The following KRT8 variants were observed in gnomAD, a reference collection of about 807,000 sequenced individuals.
KRT8 encodes the protein keratin 8.
KRT8 carries 24 observed loss-of-function variants against 43.0 expected under a neutral mutation model. That is an observed-to-expected ratio of 0.56 (90% confidence interval 0.40 to 0.78). The LOEUF (loss-of-function observed/expected upper bound fraction) is 0.78. Ranked by LOEUF, KRT8 falls within the 30% of genes least tolerant of loss-of-function variation. The pLI is 0.00. For synonymous variants in KRT8, 214 were observed against 261.2 expected (o/e 0.82, Z 1.74); for missense variants, 492 against 638.4 (o/e 0.77, Z 2.47).
At chr12:52,906,646 A>T, upstream of KRT8, 2 of 454,980 alleles carry the variant, frequency 4.4e-6, no homozygotes, top group South Asian at 3.1e-5. Flanking sequence ...ACCTGCAATT[A>T]CCTGATGGCT....
intron 1 of KRT8, 135 bp downstream of exon 1, chr12:52,904,523 A>T (rs979304414): frequency 6.1e-6 from 5 of 825,174 alleles, no homozygotes; most frequent in Non-Finnish European, 1.0e-5. Context: ...GAGTCGGAGG[A>T]TGGAAGGGAG....
intron 2 of KRT8, among the ~76,000 whole-genome samples, chr12:52,935,787 T>C (rs1366425814): frequency 1.3e-5 from 2 of 151,886 alleles, no homozygotes; most frequent in Admixed American, 6.6e-5. Flanking sequence ...GAATTAACGG[T>C]GTGAACCACC....
chr12:52,924,054 C>A (rs1242795510), intron 2 of KRT8, among the ~76,000 whole-genome samples: 3 of 152,074 alleles, frequency 2.0e-5, no homozygotes, highest in Non-Finnish European at 1.5e-5. Context: ...ACCATGTTGG[C>A]CAGGCTGGCC....
chr12:52,920,234 A>G (rs1346385857), intron 2 of KRT8, among the ~76,000 whole-genome samples: 2 of 152,200 alleles, frequency 1.3e-5, no homozygotes, highest in African/African-American at 4.8e-5. Flanking sequence ...ACATTTATTT[A>G]TTGAGCATCT....
chr12:52,928,033 G>A (rs1310421769), intron 2 of KRT8, among the ~76,000 whole-genome samples: 1 of 152,180 alleles, frequency 6.6e-6, no homozygotes, highest in Non-Finnish European at 1.5e-5. Context: ...ACTCCAGGCT[G>A]GGCAACAAAA....
At chr12:52,926,304 G>T (rs768480038) in intron 2 of KRT8, 6 of 975,608 alleles carry the variant, frequency 6.2e-6, no homozygotes, top group Non-Finnish European at 9.3e-6. Flanking sequence ...GGTGGCTGAG[G>T]CTTAGCCTTC....
chr12:52,934,171 G>A, intron 2 of KRT8, among the ~76,000 whole-genome samples: 1 of 151,962 alleles, frequency 6.6e-6, no homozygotes, highest in Non-Finnish European at 1.5e-5. Context: ...GGAGGTTGCA[G>A]TGAGTCGAGA....
chr12:52,913,654 TCA>T (rs928137487), intron 2 of KRT8, among the ~76,000 whole-genome samples: 10 of 148,896 alleles, frequency 6.7e-5, no homozygotes, highest in Admixed American at 4.7e-4. Context: ...TCTCTCAGGT[TCA>T]CACACACCCC....
chr12:52,900,751 G>T, intron 3 of KRT8, 68 bp from the exon 4 acceptor site: 1 of 1,089,130 alleles, frequency 9.2e-7, no homozygotes, highest in Non-Finnish European at 1.4e-6. Context: ...GGGCTCCCAA[G>T]GTCCACCCAA....
chr12:52,941,348 C>T (rs1285015922), intron 2 of KRT8, among the ~76,000 whole-genome samples: 1 of 152,090 alleles, frequency 6.6e-6, no homozygotes, highest in Non-Finnish European at 1.5e-5. Flanking sequence ...ATAATATCCA[C>T]CAGCAGGAGA....
At chr12:52,900,086 T>A (rs1222545576) in intron 4 of KRT8, 21 bp from the exon 5 acceptor site, 2 of 1,611,298 alleles carry the variant, frequency 1.2e-6, no homozygotes, top group Non-Finnish European at 1.7e-6. Context: ...AGAGGGCAAG[T>A]GGTGAGGCCC....
chr12:52,897,350 C>T lies in KRT8; in HGVS notation c.*78G>A, dbSNP rs768871342. ...TCAGGTGGGTCTCCTGTTCCCAGTG[C>T]TACCCTGCATAGCGGCCTCCTTCCC... is the stretch of plus-strand genomic sequence containing the variant. On this transcript the variant is annotated 3_prime_UTR_variant, in exon 8 of 8. Coordinates refer to ENST00000692008, the Ensembl canonical transcript of KRT8. 5.3e-6 allele frequency: 7 copies of T among 1,320,702 alleles called. No individual in the cohort carries two copies. In the South Asian group the frequency reaches 7.0e-5, roughly 13 times the overall value. The allele number at this position is 1,320,702 out of a possible 1,614,324, so 81.8% of individuals were successfully genotyped here.
intron 2 of KRT8, among the ~76,000 whole-genome samples, chr12:52,915,191 G>C (rs1592172208): frequency 6.6e-6 from 1 of 152,040 alleles, no homozygotes; most frequent in Non-Finnish European, 1.5e-5. Flanking sequence ...GGCTAACACA[G>C]TGAAACCCCG....
intron 2 of KRT8, among the ~76,000 whole-genome samples, chr12:52,934,982 A>G (rs1317621012): frequency 1.3e-5 from 2 of 151,812 alleles, no homozygotes; most frequent in African/African-American, 4.8e-5. Flanking sequence ...AAAAAAAAGG[A>G]TAGATACATC....
At chr12:52,924,568 G>A (rs1264412896) in intron 2 of KRT8, among the ~76,000 whole-genome samples, 2 of 151,864 alleles carry the variant, frequency 1.3e-5, no homozygotes, top group Admixed American at 1.3e-4. Flanking sequence ...CAGCTTGGGC[G>A]ACAGAGCCAG....
At chr12:52,918,073 A>AGGG (rs1941786184) in intron 2 of KRT8, among the ~76,000 whole-genome samples, 1 of 41,878 alleles carries the variant, frequency 2.4e-5, no homozygotes, top group Admixed American at 2.3e-4. Context: ...GAGAAGAAGA[A>AGGG]GAGGAGGAGG....
chr12:52,923,661 G>A (rs1263231036), intron 2 of KRT8, among the ~76,000 whole-genome samples: 3 of 151,660 alleles, frequency 2.0e-5, no homozygotes, highest in Non-Finnish European at 2.9e-5. Flanking sequence ...CTCGTGATCC[G>A]CCCGCCTCGG....
chr12:52,915,112 G>A (rs914514615), intron 2 of KRT8, among the ~76,000 whole-genome samples: 4 of 152,162 alleles, frequency 2.6e-5, no homozygotes, highest in Non-Finnish European at 4.4e-5. Context: ...GGTGGCTCAC[G>A]CCTGTAATCC....
chr12:52,915,625 G>A (rs1318976414), intron 2 of KRT8, among the ~76,000 whole-genome samples: 4 of 151,616 alleles, frequency 2.6e-5, no homozygotes, highest in South Asian at 2.1e-4. Context: ...CAGGAGAATC[G>A]CTTGAACCCA....
Sources: allele counts gnomAD v4.1 joint callset (sites outside exome capture counted in the v4.1 genomes callset), GRCh38; gene constraint gnomAD v4.1.1; transcripts MANE v1.5; gene names NCBI Gene and HGNC (gene_info 2026-07-23, HGNC 2026-07-21).